The following BICD1 variants were observed in gnomAD, a reference collection of about 807,000 sequenced individuals.
The protein encoded by BICD1 is protein bicaudal D homolog 1.
In BICD1, 35 loss-of-function variants were observed where a neutral mutation model predicts 92.5. The observed-to-expected ratio is 0.38, with a 90% CI of 0.29 to 0.50. The LOEUF (loss-of-function observed/expected upper bound fraction) is 0.50, where lower values mean the gene tolerates loss of function less well. Ranked by LOEUF, BICD1 falls within the 20% of genes least tolerant of loss-of-function variation. The pLI, the probability that BICD1 is intolerant of heterozygous loss-of-function variation, is 0.93. For synonymous variants in BICD1, 429 were observed against 465.1 expected (o/e 0.92, Z 1.00); for missense variants, 950 against 1,189.8 (o/e 0.80, Z 2.97).
chr12:32,190,843 TG>T (rs1240166333), intron 1 of BICD1, among the ~76,000 whole-genome samples: 1 of 152,210 alleles, frequency 6.6e-6, no homozygotes, highest in Non-Finnish European at 1.5e-5. Flanking sequence ...GATTATATGT[TG>T]GGCCACAAAA....
chr12:32,302,697 T>C (rs1940865439), intron 3 of BICD1, among the ~76,000 whole-genome samples: 2 of 152,194 alleles, frequency 1.3e-5, no homozygotes, highest in South Asian at 4.1e-4. Flanking sequence ...AGAAGACAGT[T>C]ATTGGTAGTA....
chr12:32,120,413 TTC>T (rs1441766652), intron 1 of BICD1, among the ~76,000 whole-genome samples: 1 of 152,234 alleles, frequency 6.6e-6, no homozygotes, highest in Admixed American at 6.5e-5. Context: ...CTTAAGAATG[TTC>T]TGTTGCAGTT....
intron 3 of BICD1, among the ~76,000 whole-genome samples, chr12:32,304,069 G>T (rs528281795): frequency 6.9e-6 from 1 of 144,740 alleles, no homozygotes; most frequent in South Asian, 2.2e-4. Context: ...GCGAGACTCC[G>T]TCTCAAAAAA....
At chr12:32,148,977 G>T (rs1013833375) in intron 1 of BICD1, among the ~76,000 whole-genome samples, 2 of 150,006 alleles carry the variant, frequency 1.3e-5, no homozygotes, top group African/African-American at 4.9e-5. Flanking sequence ...CCGAGATCAC[G>T]TCACTGTACT....
chr12:32,120,355 T>G (rs1276596555), intron 1 of BICD1, among the ~76,000 whole-genome samples: 1 of 152,238 alleles, frequency 6.6e-6, no homozygotes, highest in East Asian at 1.9e-4. Flanking sequence ...AACCTGTTTA[T>G]ATTTATGGGA....
intron 7 of BICD1, chr12:32,338,034 C>CT: frequency 1.9e-6 from 1 of 515,028 alleles, no homozygotes; most frequent in South Asian, 3.0e-5. Flanking sequence ...CCAATCCCTC[C>CT]TCTTGATTAA....
chr12:32,116,470 C>G (rs57017591), intron 1 of BICD1, among the ~76,000 whole-genome samples: 14,606 of 120,294 alleles, frequency 0.12, 887 homozygotes, highest in Middle Eastern at 0.14. Flanking sequence ...CTGTCTCTCT[C>G]TCTCTCTCTC....
intron 3 of BICD1, among the ~76,000 whole-genome samples, chr12:32,303,927 T>G (rs1948137175): frequency 1.3e-5 from 2 of 152,012 alleles, no homozygotes; most frequent in African/African-American, 4.8e-5. Flanking sequence ...ACAAAAAAAT[T>G]AGCCAGGCGT....
intron 1 of BICD1, among the ~76,000 whole-genome samples, chr12:32,179,090 T>C (rs1407570832): frequency 2.6e-5 from 4 of 152,016 alleles, no homozygotes; most frequent in African/African-American, 4.8e-5. Flanking sequence ...GAGCACTATA[T>C]ATTTCATAGT....
At chr12:32,319,881 T>C (rs992397452) in intron 4 of BICD1, among the ~76,000 whole-genome samples, 2 of 152,188 alleles carry the variant, frequency 1.3e-5, no homozygotes, top group Non-Finnish European at 2.9e-5. Flanking sequence ...ACTGGTCTCA[T>C]AAGAGTTGGG....
At chr12:32,355,770 T>C (rs1939071504) in intron 8 of BICD1, among the ~76,000 whole-genome samples, 1 of 151,260 alleles carries the variant, frequency 6.6e-6, no homozygotes, top group South Asian at 2.1e-4. Flanking sequence ...ATCACGCCAC[T>C]GCACTCCAGC....
chr12:32,349,333 A>G (rs926529061), intron 8 of BICD1, among the ~76,000 whole-genome samples: 1 of 152,188 alleles, frequency 6.6e-6, no homozygotes, highest in Non-Finnish European at 1.5e-5. Context: ...TCCAAACTGT[A>G]CCTTGCAAAG....
intron 4 of BICD1, among the ~76,000 whole-genome samples, chr12:32,315,349 A>G (rs551704572): frequency 3.1e-4 from 47 of 152,144 alleles, no homozygotes; most frequent in Non-Finnish European, 5.9e-4. Context: ...TGCCAATACT[A>G]TAGTATCTTG....
chr12:32,233,882 G>A (rs75615237), intron 2 of BICD1, among the ~76,000 whole-genome samples: 2,410 of 152,200 alleles, frequency 0.016, 56 homozygotes, highest in African/African-American at 0.052. Flanking sequence ...ATTCTGTTCA[G>A]GCATTTAATT....
At chr12:32,253,195 T>G (rs1301492722) in intron 2 of BICD1, among the ~76,000 whole-genome samples, 2 of 152,204 alleles carry the variant, frequency 1.3e-5, no homozygotes, top group Non-Finnish European at 2.9e-5. Context: ...CATCTTACTA[T>G]GTTTATTAGC....
chr12:32,346,592 A>G lies in BICD1; in HGVS notation c.2764+7613A>G, dbSNP rs866386337. 9.5e-4 allele frequency among the ~76,000 whole-genome samples: 14 copies of G among 14,726 alleles called. 1 individual carries two copies. Among genetic ancestry groups the G allele is most frequent in the African/African-American group, 1.4e-3 (3 of 2,080 alleles). The allele number at this position is 14,726 out of a possible 152,430, so 9.7% of individuals were successfully genotyped here. ...TATATATATATATATACGTGTATAT[A>G]TATATATATATATATATATACGTGT... is the stretch of plus-strand genomic sequence containing the variant. On this transcript the variant is annotated intron_variant, in intron 8 of 9. Transcript: ENST00000652176.
chr12:32,233,115 A>G (rs2121589483), intron 2 of BICD1, among the ~76,000 whole-genome samples: 1 of 152,218 alleles, frequency 6.6e-6, no homozygotes, highest in South Asian at 2.1e-4. Context: ...TGAGGTCAAG[A>G]ATTCGAGACC....
In BICD1 at chr12:32,348,294, T is replaced by TTTA. The variant is rs1938706555; in HGVS notation, c.2764+9317_2764+9319dup. ...AAAACTCTGTAGCAAGAATGTGTAT[T>TTTA]TTATATTAGATCATACTTTTCAATC... On this transcript the variant is annotated intron_variant, in intron 8 of 9. Transcript: ENST00000652176. 2.6e-5 allele frequency among the ~76,000 whole-genome samples: 4 copies of TTTA among 152,282 alleles called. No homozygotes were observed. The South Asian group carries it at 8.3e-4, about 32-fold the overall frequency.
chr12:32,331,075 C>T (rs145481824), intron 5 of BICD1, among the ~76,000 whole-genome samples: 89 of 151,804 alleles, frequency 5.9e-4, no homozygotes, highest in Non-Finnish European at 1.1e-3. Flanking sequence ...GCGGAGGTTG[C>T]GGTGAGCCTA....
Sources: allele counts gnomAD v4.1 joint callset (sites outside exome capture counted in the v4.1 genomes callset), GRCh38; gene constraint gnomAD v4.1.1; transcripts MANE v1.5; gene names NCBI Gene and HGNC (gene_info 2026-07-23, HGNC 2026-07-21).